The following JAZF1 variants were observed in gnomAD, a reference collection of about 807,000 sequenced individuals.
JAZF1 encodes the protein juxtaposed with another zinc finger protein 1.
In JAZF1, 8 loss-of-function variants were observed where a neutral mutation model predicts 26.4. The observed-to-expected ratio is 0.30, with a 90% CI of 0.18 to 0.55. JAZF1 has a LOEUF of 0.55. JAZF1 is among the 20% of genes least tolerant of loss of function. The probability of loss-of-function intolerance (pLI) is 0.94; values close to 1 mark genes in which losing one functional copy is unlikely to be tolerated. For missense variants in JAZF1, 199 were observed against 322.0 expected (o/e 0.62, Z 2.92); for synonymous variants, 126 against 122.3 (o/e 1.03, Z -0.20).
chr7:28,005,351 A>G (rs1189759376), intron 1 of JAZF1, among the ~76,000 whole-genome samples: 1 of 152,098 alleles, frequency 6.6e-6, no homozygotes, highest in African/African-American at 2.4e-5. Flanking sequence ...AGTTTTGTCA[A>G]GGATTTGACA....
chr7:28,124,186 A>C (rs1782658297), intron 1 of JAZF1, among the ~76,000 whole-genome samples: 2 of 152,186 alleles, frequency 1.3e-5, no homozygotes, highest in Non-Finnish European at 1.5e-5. Flanking sequence ...AGAGGAGAGC[A>C]GGACACACAG....
intron 3 of JAZF1, among the ~76,000 whole-genome samples, chr7:27,857,348 G>A (rs1783287026): frequency 6.6e-6 from 1 of 152,212 alleles, no homozygotes; most frequent in African/African-American, 2.4e-5. Context: ...ACTCGTGCTG[G>A]CCTGCAAGTG....
chr7:27,983,744 C>T (rs1785636450), intron 2 of JAZF1, among the ~76,000 whole-genome samples: 1 of 152,196 alleles, frequency 6.6e-6, no homozygotes, highest in South Asian at 2.1e-4. Flanking sequence ...AGACTAACAG[C>T]TGATCTCTCA....
intron 3 of JAZF1, among the ~76,000 whole-genome samples, chr7:27,880,090 T>C (rs1339532533): frequency 6.6e-6 from 1 of 152,178 alleles, no homozygotes; most frequent in Non-Finnish European, 1.5e-5. Flanking sequence ...CATAATTCAT[T>C]TTCCAGTTTA....
intron 2 of JAZF1, among the ~76,000 whole-genome samples, chr7:27,988,100 A>G (rs1050105826): frequency 1.3e-5 from 2 of 151,934 alleles, no homozygotes; most frequent in African/African-American, 4.8e-5. Flanking sequence ...CCTTGTTCAC[A>G]TGTTTATCTG....
chr7:28,051,500 C>T (rs1046939831), intron 1 of JAZF1, among the ~76,000 whole-genome samples: 6 of 152,116 alleles, frequency 3.9e-5, no homozygotes, highest in African/African-American at 1.4e-4. Context: ...GCGTCAGCCA[C>T]CGCATCCGGC....
At chr7:28,146,461 C>A (rs1783029374) in intron 1 of JAZF1, among the ~76,000 whole-genome samples, 1 of 152,164 alleles carries the variant, frequency 6.6e-6, no homozygotes, top group East Asian at 1.9e-4. Flanking sequence ...CTTCAGATAA[C>A]TGAAATTTAT....
At chr7:27,935,894 C>T (rs1489812038) in intron 2 of JAZF1, among the ~76,000 whole-genome samples, 1 of 152,246 alleles carries the variant, frequency 6.6e-6, no homozygotes, top group South Asian at 2.1e-4. Flanking sequence ...GAAGTGGGAC[C>T]AGGAGCTGGG....
intron 2 of JAZF1, among the ~76,000 whole-genome samples, chr7:27,955,498 G>T (rs929577805): frequency 2.6e-5 from 4 of 152,090 alleles, no homozygotes; most frequent in East Asian, 1.9e-4. Context: ...AAGTTTCCTG[G>T]CTTCTAAAAA....
chr7:27,858,359 T>C (rs1021107570), intron 3 of JAZF1, among the ~76,000 whole-genome samples: 38 of 152,202 alleles, frequency 2.5e-4, no homozygotes, highest in African/African-American at 7.2e-4. Context: ...ATTGACTTTC[T>C]TCACATAATT....
chr7:28,163,615 A>G (rs1319139986), intron 1 of JAZF1, among the ~76,000 whole-genome samples: 1 of 152,224 alleles, frequency 6.6e-6, no homozygotes, highest in African/African-American at 2.4e-5. Flanking sequence ...CCAAACAAGC[A>G]GGTTCCCCTA....
chr7:27,845,710 AAAAAG>A (rs1783013760), intron 3 of JAZF1, among the ~76,000 whole-genome samples: 2 of 146,476 alleles, frequency 1.4e-5, no homozygotes, highest in South Asian at 2.3e-4. Flanking sequence ...AAAAAAAAAA[AAAAAG>A]AAAAGAAAAA....
chr7:27,861,625 T>C (rs1014511130), intron 3 of JAZF1, among the ~76,000 whole-genome samples: 4 of 152,004 alleles, frequency 2.6e-5, no homozygotes, highest in Non-Finnish European at 4.4e-5. Flanking sequence ...TCCTGCCCCA[T>C]GCACTGTCAC....
chr7:28,180,615 G>A lies in JAZF1; in HGVS notation c.-38C>T, dbSNP rs747887256. On this transcript the variant is annotated 5_prime_UTR_variant, in exon 1 of 5. Coordinates refer to ENST00000283928, the MANE Select transcript of JAZF1 (RefSeq NM_175061.4). Reference sequence around the variant, plus strand: ...AGAGCCCCCCTGGTGTCGGCTCTGCGAGCGCCGGGCGGGCGAGGGAGGGAG... The same window carrying A: ...AGAGCCCCCCTGGTGTCGGCTCTGCAAGCGCCGGGCGGGCGAGGGAGGGAG... The A allele has an allele frequency of 1.5e-5, 24 of 1,553,786 alleles. No individual in the cohort carries two copies. The highest frequency in any genetic ancestry group is 1.9e-4 in the Middle Eastern group (1 of 5,356).
chr7:28,158,168 AAC>A (rs759047365), intron 1 of JAZF1, among the ~76,000 whole-genome samples: 14 of 142,400 alleles, frequency 9.8e-5, no homozygotes, highest in Non-Finnish European at 1.4e-4. Context: ...CACACACACA[AAC>A]ACACACACAC....
At chr7:28,102,416 T>G (rs1784487225) in intron 1 of JAZF1, among the ~76,000 whole-genome samples, 1 of 152,338 alleles carries the variant, frequency 6.6e-6, no homozygotes, top group South Asian at 2.1e-4. Context: ...CCCATAAGTA[T>G]CACTCTCTGA....
intron 3 of JAZF1, among the ~76,000 whole-genome samples, chr7:27,886,404 T>C (rs1271166684): frequency 6.6e-6 from 1 of 152,186 alleles, no homozygotes; most frequent in African/African-American, 2.4e-5. Context: ...CCAGGTCTGC[T>C]CACTAATTCC....
intron 1 of JAZF1, among the ~76,000 whole-genome samples, chr7:28,082,600 T>A (rs1264377113): frequency 6.6e-6 from 1 of 152,158 alleles, no homozygotes; most frequent in Non-Finnish European, 1.5e-5. Context: ...CGCTGCAGTA[T>A]GTTTGAAGCT....
intron 1 of JAZF1, among the ~76,000 whole-genome samples, chr7:28,179,061 A>AATAAAT (rs1427330910): frequency 2.6e-5 from 4 of 152,208 alleles, no homozygotes; most frequent in African/African-American, 9.7e-5. Context: ...ATAAATACAC[A>AATAAAT]GCAGTCGTGA....
Sources: gnomAD v4.1 joint callset for allele counts (sites outside exome capture counted in the v4.1 genomes callset) on GRCh38, gnomAD v4.1.1 for gene constraint, MANE v1.5 for transcripts, NCBI Gene and HGNC (gene_info 2026-07-23, HGNC 2026-07-21) for gene names.